Variants in GPATCH8 observed in about 807,000 individuals in gnomAD.
The protein encoded by GPATCH8 is G patch domain-containing protein 8.
Under a neutral mutation model 118.3 loss-of-function variants are expected in GPATCH8, and 18 were observed. That is an observed-to-expected ratio of 0.15 (90% CI 0.11 to 0.23). GPATCH8 has a LOEUF of 0.23. Ranked by LOEUF, GPATCH8 falls within the 10% of genes least tolerant of loss-of-function variation. The pLI, the probability that GPATCH8 is intolerant of heterozygous loss-of-function variation, is 1.00. For missense variants in GPATCH8, 1,631 were observed against 1,873.8 expected (o/e 0.87, Z 2.39); for synonymous variants, 659 against 684.7 (o/e 0.96, Z 0.59).
intron 5 of GPATCH8, among the ~76,000 whole-genome samples, chr17:44,426,449 A>G (rs968420207): frequency 1.3e-5 from 2 of 152,028 alleles, no homozygotes; most frequent in Admixed American, 1.3e-4. Flanking sequence ...CCAAAAATAC[A>G]AAACATTAGC....
intron 6 of GPATCH8, among the ~76,000 whole-genome samples, chr17:44,421,959 T>C (rs988795040): frequency 2.6e-5 from 4 of 151,942 alleles, no homozygotes; most frequent in African/African-American, 2.4e-5. Flanking sequence ...ATTGGCTTCA[T>C]GTGACTCTGT....
chr17:44,464,387 TA>T, intron 3 of GPATCH8, 84 bp downstream of exon 3: 1 of 891,080 alleles, frequency 1.1e-6, no homozygotes, highest in Non-Finnish European at 1.9e-6. Flanking sequence ...AGTACTTTTT[TA>T]AAAACACAAC....
chr17:44,478,197 AT>A (rs1227217157), intron 1 of GPATCH8, among the ~76,000 whole-genome samples: 4 of 152,344 alleles, frequency 2.6e-5, no homozygotes, highest in Middle Eastern at 6.8e-3. Context: ...AACACTCAAC[AT>A]TTTAAGTTAC....
chr17:44,494,748 G>A (rs923816062), intron 1 of GPATCH8, among the ~76,000 whole-genome samples: 1 of 152,144 alleles, frequency 6.6e-6, no homozygotes, highest in Admixed American at 6.5e-5. Flanking sequence ...AACTATAGCT[G>A]AATTAATCTT....
chr17:44,399,015 C>G lies in GPATCH8; in HGVS notation c.3062G>C (p.Gly1021Ala). 6.2e-7 allele frequency: 1 copy of G among 1,614,066 alleles called. No homozygotes were observed. Among genetic ancestry groups the G allele is most frequent in the Non-Finnish European group, 8.5e-7 (1 of 1,179,972 alleles). Reference sequence around the variant, plus strand: ...CTTAGAACGAATGAAGTCCCGACGCCCAGAATGCCTCTCCTCAGGGCTCTC... The same window carrying G: ...CTTAGAACGAATGAAGTCCCGACGCGCAGAATGCCTCTCCTCAGGGCTCTC... ...GHESPEERHS[G>A]RRDFIRSKIY... The change falls in exon 8 of 8, where the codon GGG (glycine) becomes GCG (alanine). Residue 1021 changes from glycine to alanine, a missense_variant. Physicochemically the swap from Gly to Ala is moderately conservative, Grantham distance 60 (BLOSUM62 0). Transcript: ENST00000591680.
chr17:44,483,141 T>G, intron 1 of GPATCH8, among the ~76,000 whole-genome samples: 1 of 47,746 alleles, frequency 2.1e-5, no homozygotes, highest in Admixed American at 3.8e-4. Context: ...GGCGAAAGAG[T>G]GAGACTCCGT....
chr17:44,491,884 G>A (rs1192909201), intron 1 of GPATCH8, among the ~76,000 whole-genome samples: 4 of 152,094 alleles, frequency 2.6e-5, no homozygotes, highest in Non-Finnish European at 5.9e-5. Context: ...ATAAATAAAT[G>A]TATGTATGTG....
At chr17:44,482,136 C>T (rs1375888607) in intron 1 of GPATCH8, among the ~76,000 whole-genome samples, 2 of 150,978 alleles carry the variant, frequency 1.3e-5, no homozygotes, top group African/African-American at 2.4e-5. Context: ...ATAAATAACC[C>T]CATGTTCTCA....
chr17:44,482,299 C>T (rs1043763305), intron 1 of GPATCH8, among the ~76,000 whole-genome samples: 4 of 151,978 alleles, frequency 2.6e-5, no homozygotes, highest in African/African-American at 9.6e-5. Context: ...CGAGGCTGGG[C>T]GCAGTGGGTC....
chr17:44,437,805 TG>T (rs1244348067), intron 3 of GPATCH8, among the ~76,000 whole-genome samples: 1 of 151,968 alleles, frequency 6.6e-6, no homozygotes, highest in African/African-American at 2.4e-5. Context: ...TAAGATGGAA[TG>T]AAAAACAAAT....
chr17:44,403,803 C>A (rs2049117925), intron 7 of GPATCH8, among the ~76,000 whole-genome samples: 2 of 152,070 alleles, frequency 1.3e-5, no homozygotes, highest in South Asian at 4.2e-4. Context: ...AGGCAATTCT[C>A]CTGCCTCAGC....
chr17:44,480,799 C>T (rs1456890102), intron 1 of GPATCH8, among the ~76,000 whole-genome samples: 1 of 151,082 alleles, frequency 6.6e-6, no homozygotes, highest in Non-Finnish European at 1.5e-5. Flanking sequence ...TGAACCCGGG[C>T]GGCAGAGGTT....
intron 2 of GPATCH8, among the ~76,000 whole-genome samples, chr17:44,468,373 CTTTTTTT>C (rs869068538): frequency 4.3e-4 from 43 of 100,014 alleles, no homozygotes; most frequent in South Asian, 3.5e-3. Flanking sequence ...TTCTTTGTTC[CTTTTTTT>C]TTTTTTTTTT....
At chr17:44,404,013 T>A (rs539535408) in intron 7 of GPATCH8, among the ~76,000 whole-genome samples, 1 of 151,998 alleles carries the variant, frequency 6.6e-6, no homozygotes, top group East Asian at 1.9e-4. Flanking sequence ...TCTCTTGCTA[T>A]CTAAACTATT....
chr17:44,492,348 C>CGG (rs1969316136), intron 1 of GPATCH8, among the ~76,000 whole-genome samples: 1 of 142,816 alleles, frequency 7.0e-6, no homozygotes, highest in African/African-American at 2.6e-5. Flanking sequence ...GAGGCCGAGG[C>CGG]GGGAGGATCA....
intron 4 of GPATCH8, among the ~76,000 whole-genome samples, chr17:44,435,879 G>A (rs1013743348): frequency 1.3e-5 from 2 of 149,430 alleles, no homozygotes; most frequent in Admixed American, 6.6e-5. Context: ...AAAATTACCC[G>A]GGCATGGTGT....
intron 1 of GPATCH8, among the ~76,000 whole-genome samples, chr17:44,499,226 G>A (rs1000055704): frequency 6.6e-6 from 1 of 152,172 alleles, no homozygotes; most frequent in African/African-American, 2.4e-5. Context: ...CAGCACTTTG[G>A]GAGACCGAGG....
intron 6 of GPATCH8, among the ~76,000 whole-genome samples, chr17:44,417,371 C>T (rs559963121): frequency 2.6e-4 from 40 of 152,284 alleles, no homozygotes; most frequent in African/African-American, 9.1e-4. Context: ...ACTGCCATCA[C>T]ATCCAGCTAA....
At chr17:44,474,696 T>C (rs1389369717) in intron 2 of GPATCH8, 133 bp downstream of exon 2, 2 of 707,002 alleles carry the variant, frequency 2.8e-6, no homozygotes, top group African/African-American at 3.5e-5. Context: ...TTGATTACTG[T>C]ATGGCATGCA....
Sources: gnomAD v4.1 joint callset for allele counts (sites outside exome capture counted in the v4.1 genomes callset) on GRCh38, gnomAD v4.1.1 for gene constraint, MANE v1.5 for transcripts, NCBI Gene and HGNC (gene_info 2026-07-23, HGNC 2026-07-21) for gene names.